The following SDCCAG8 variants were observed in gnomAD, a reference collection of about 807,000 sequenced individuals.
SDCCAG8 encodes the protein serologically defined colon cancer antigen 8.
Under a neutral mutation model 101.8 loss-of-function variants are expected in SDCCAG8, and 74 were observed. That is an observed-to-expected ratio of 0.73 (90% CI 0.60 to 0.88). The LOEUF (loss-of-function observed/expected upper bound fraction) is 0.88, where lower values mean the gene tolerates loss of function less well. Ranked by LOEUF, SDCCAG8 falls within the 40% of genes least tolerant of loss-of-function variation. The pLI, the probability that SDCCAG8 is intolerant of heterozygous loss-of-function variation, is 0.00. For missense variants in SDCCAG8, 787 were observed against 822.6 expected (o/e 0.96, Z 0.53); for synonymous variants, 281 against 292.9 (o/e 0.96, Z 0.41).
chr1:243,287,073 G>A (rs1378421145), intron 5 of SDCCAG8, among the ~76,000 whole-genome samples: 1 of 152,136 alleles, frequency 6.6e-6, no homozygotes, highest in Non-Finnish European at 1.5e-5. Context: ...TAATGTCAGT[G>A]GCCCAGAGTT....
chr1:243,330,985 C>T (rs934663006), intron 10 of SDCCAG8, among the ~76,000 whole-genome samples: 3 of 152,188 alleles, frequency 2.0e-5, no homozygotes, highest in Non-Finnish European at 4.4e-5. Context: ...TCTCGTGTTT[C>T]CCAGAGTCGT....
intron 13 of SDCCAG8, among the ~76,000 whole-genome samples, chr1:243,396,978 G>A (rs1243050924): frequency 6.6e-6 from 1 of 152,184 alleles, no homozygotes; most frequent in African/African-American, 2.4e-5. Flanking sequence ...GGTAAACAAA[G>A]TTCACTTCTG....
At chr1:243,276,408 G>C (rs2068578247) in intron 4 of SDCCAG8, among the ~76,000 whole-genome samples, 1 of 152,280 alleles carries the variant, frequency 6.6e-6, no homozygotes, top group South Asian at 2.1e-4. Flanking sequence ...ATACATTTTA[G>C]TAAGAGAAGA....
chr1:243,407,470 G>A (rs1040749902), intron 13 of SDCCAG8, among the ~76,000 whole-genome samples: 3 of 152,172 alleles, frequency 2.0e-5, no homozygotes, highest in South Asian at 2.1e-4. Flanking sequence ...AGGGTGATGC[G>A]CTAGTAACTG....
At chr1:243,367,432 G>GT (rs559856164) in intron 12 of SDCCAG8, among the ~76,000 whole-genome samples, 98 of 148,276 alleles carry the variant, frequency 6.6e-4, no homozygotes, top group Admixed American at 2.2e-3. Flanking sequence ...GTTAGGTGTA[G>GT]TTTTTTTTTT....
chr1:243,263,349 T>C (rs2067334032), intron 1 of SDCCAG8, among the ~76,000 whole-genome samples: 1 of 152,206 alleles, frequency 6.6e-6, no homozygotes, highest in Non-Finnish European at 1.5e-5. Flanking sequence ...AGGTCCAAAC[T>C]GTCAATAGTG....
At chr1:243,280,185 A>G (rs1316401459) in intron 4 of SDCCAG8, among the ~76,000 whole-genome samples, 3 of 152,180 alleles carry the variant, frequency 2.0e-5, no homozygotes, top group Admixed American at 6.5e-5. Flanking sequence ...ATTCATGATC[A>G]TGGAGTTGTT....
At chr1:243,487,921 G>T (rs2148259651) in intron 16 of SDCCAG8, 1 of 152,744 alleles carries the variant, frequency 6.5e-6, no homozygotes, top group Non-Finnish European at 1.5e-5. Flanking sequence ...TCGGGCCCCT[G>T]GACCAAAGAC....
chr1:243,486,202 C>CAAAA lies in SDCCAG8; in HGVS notation c.1986-2787_1986-2784dup, dbSNP rs57724631. On this transcript the variant is annotated intron_variant, in intron 16 of 17. Transcript: ENST00000366541. ...GGCAACAAGAGCAAAACTCTGCCTCCAAAAAAAAAAAAAAAAAAAAAAAAA... is the reference window on the plus strand; with the variant it reads ...GGCAACAAGAGCAAAACTCTGCCTCCAAAAAAAAAAAAAAAAAAAAAAAAAAAAA... Among the ~76,000 whole-genome samples, 130 of 61,408 alleles carry CAAAA rather than the reference C, an allele frequency of 2.1e-3. 3 individuals carry two copies. The highest frequency in any genetic ancestry group is 3.3e-3 in the Non-Finnish European group (105 of 32,270). 40.3% of individuals were successfully genotyped at this position (61,408 alleles called of 152,430 possible). A position where few individuals can be genotyped will look rare whatever the true frequency, so the allele number is the denominator to read the frequency against.
chr1:243,325,965 C>T (rs778270130), intron 9 of SDCCAG8, among the ~76,000 whole-genome samples: 29 of 152,144 alleles, frequency 1.9e-4, no homozygotes, highest in Admixed American at 3.9e-4. Context: ...AAAAGCTACA[C>T]GAAGCAGATG....
chr1:243,402,094 C>T (rs1553341487), intron 13 of SDCCAG8, among the ~76,000 whole-genome samples: 1 of 151,986 alleles, frequency 6.6e-6, no homozygotes, highest in Non-Finnish European at 1.5e-5. Flanking sequence ...AAATGTAAAC[C>T]ACACATGTCA....
At chr1:243,358,328 T>C (rs898995649) in intron 12 of SDCCAG8, among the ~76,000 whole-genome samples, 4 of 152,138 alleles carry the variant, frequency 2.6e-5, no homozygotes, top group African/African-American at 9.7e-5. Context: ...AACTATATTA[T>C]TAACAAATGA....
At chr1:243,353,361 C>G (rs1042196122) in intron 12 of SDCCAG8, among the ~76,000 whole-genome samples, 1 of 151,126 alleles carries the variant, frequency 6.6e-6, no homozygotes, top group African/African-American at 2.4e-5. Flanking sequence ...TGTGGTGGCG[C>G]GCGCCTGTAA....
chr1:243,268,448 G>T (rs548173408), intron 1 of SDCCAG8, among the ~76,000 whole-genome samples: 39 of 152,176 alleles, frequency 2.6e-4, no homozygotes, highest in Non-Finnish European at 4.6e-4. Flanking sequence ...TGATGAGTCA[G>T]AGGAGGCCAG....
chr1:243,424,489 T>C (rs1013575077), intron 15 of SDCCAG8, among the ~76,000 whole-genome samples: 4 of 152,078 alleles, frequency 2.6e-5, no homozygotes, highest in African/African-American at 9.7e-5. Flanking sequence ...TATTAATAGT[T>C]GGTATGCATG....
At position 243,458,038 on chromosome 1, in the gene SDCCAG8, C is replaced by A. The variant is rs1321435548; in HGVS notation, c.1986-30976C>A. ...GGTATGGATAGAGGTCCTGCAGAAA[C>A]CTTCAGGACCCATCCCAAAATGACG... On this transcript the variant is annotated intron_variant, in intron 16 of 17. Coordinates refer to ENST00000366541, the MANE Select transcript of SDCCAG8 (RefSeq NM_006642.5). This position sits in a 1 kb window ranked among gnomAD's most constrained non-coding sequence, Gnocchi z 4.5. 2.0e-5 allele frequency among the ~76,000 whole-genome samples: 3 copies of A among 152,188 alleles called. No homozygotes were observed. Among genetic ancestry groups the A allele is most frequent in the African/African-American group, 7.2e-5 (3 of 41,448 alleles).
chr1:243,400,532 T>TG, intron 13 of SDCCAG8, among the ~76,000 whole-genome samples: 1 of 152,246 alleles, frequency 6.6e-6, no homozygotes, highest in African/African-American at 2.4e-5. Flanking sequence ...TTCTCTAAAA[T>TG]GGGGGTGTGG....
intron 9 of SDCCAG8, among the ~76,000 whole-genome samples, chr1:243,327,122 C>T (rs1314112698): frequency 1.3e-5 from 2 of 151,884 alleles, no homozygotes; most frequent in Admixed American, 6.6e-5. Flanking sequence ...AGGAAAGGGC[C>T]GTGTTCAGGG....
intron 15 of SDCCAG8, among the ~76,000 whole-genome samples, chr1:243,422,869 A>C (rs1334039281): frequency 6.6e-6 from 1 of 152,222 alleles, no homozygotes; most frequent in East Asian, 1.9e-4. Flanking sequence ...TACAGGGGAA[A>C]GTTCATGCTT....
Sources: allele counts gnomAD v4.1 joint callset (sites outside exome capture counted in the v4.1 genomes callset), GRCh38; gene constraint gnomAD v4.1.1; non-coding constraint Gnocchi (gnomAD v3.1); transcripts MANE v1.5; gene names NCBI Gene and HGNC (gene_info 2026-07-23, HGNC 2026-07-21).